The following PLAC1 variants were observed in gnomAD, a reference collection of about 807,000 sequenced individuals.
The protein encoded by PLAC1 is placenta associated 1, also known as placenta-specific protein 1.
For synonymous variants in PLAC1, 68 were observed against 62.1 expected, an observed-to-expected ratio of 1.09 and a Z score of -0.44; for missense variants, 136 against 163.2, an observed-to-expected ratio of 0.83 and a Z score of 0.91.
At chrX:134,624,887 G>T (rs983099105) in intron 1 of PLAC1, among the ~76,000 whole-genome samples, 1 of 104,295 alleles carries the variant, frequency 9.6e-6, no homozygotes, top group African/African-American at 3.5e-5. Flanking sequence ...TAATGAAGCA[G>T]ATAGATAGAT....
At chrX:134,732,712 T>C (rs1193377258) in intron 2 of PLAC1, among the ~76,000 whole-genome samples, 2 of 111,301 alleles carry the variant, frequency 1.8e-5, no homozygotes, top group African/African-American at 6.7e-5. Flanking sequence ...GAATGAAACA[T>C]CAGCCTCCTG....
chrX:134,670,045 T>A (rs1478874586), intron 2 of PLAC1, among the ~76,000 whole-genome samples: 2 of 89,113 alleles, frequency 2.2e-5, no homozygotes, highest in African/African-American at 4.3e-5. Flanking sequence ...AGAAACACAT[T>A]TTTGTCTCTG....
chrX:134,593,645 CT>C (rs752446483), intron 2 of PLAC1, among the ~76,000 whole-genome samples: 19 of 111,699 alleles, frequency 1.7e-4, no homozygotes, highest in African/African-American at 6.2e-4. Context: ...ACACCTAAGT[CT>C]TTTTTGAGCA....
intron 2 of PLAC1, among the ~76,000 whole-genome samples, chrX:134,578,666 CT>C (rs1302147197): frequency 1.9e-5 from 2 of 105,458 alleles, no homozygotes; most frequent in Non-Finnish European, 3.9e-5. Context: ...CGCCTGGCTA[CT>C]TTTTTTTTGA....
intron 2 of PLAC1, among the ~76,000 whole-genome samples, chrX:134,589,285 T>C (rs1434089328): frequency 9.1e-6 from 1 of 110,494 alleles, no homozygotes; most frequent in Non-Finnish European, 1.9e-5. Context: ...ATTTTTAGCT[T>C]GAGTAGCAAA....
At chrX:134,749,701 G>C (rs2078736705) in intron 1 of PLAC1, among the ~76,000 whole-genome samples, 1 of 111,929 alleles carries the variant, frequency 8.9e-6, no homozygotes. Flanking sequence ...AATACTAGCT[G>C]ATCAGTTTCC....
At chrX:134,642,447 G>A (rs1215144169) in intron 1 of PLAC1, among the ~76,000 whole-genome samples, 2 of 111,055 alleles carry the variant, frequency 1.8e-5, no homozygotes, top group Non-Finnish European at 3.8e-5. Context: ...TAGGAGCTTG[G>A]GGGTACAATT....
chrX:134,678,244 C>T (rs2078482172), intron 2 of PLAC1, among the ~76,000 whole-genome samples: 1 of 112,045 alleles, frequency 8.9e-6, no homozygotes. Context: ...GCCCACAACA[C>T]CCTGCGTGCT....
At chrX:134,569,739 AGTGTGTGT>A (rs749953575) in intron 2 of PLAC1, among the ~76,000 whole-genome samples, 2,874 of 72,100 alleles carry the variant, frequency 0.04, 130 homozygotes, top group African/African-American at 0.13. Flanking sequence ...AGGGTAGAGT[AGTGTGTGT>A]GTGTGTGTGT....
intron 1 of PLAC1, among the ~76,000 whole-genome samples, chrX:134,656,686 G>A (rs1220078183): frequency 9.0e-6 from 1 of 111,397 alleles, no homozygotes; most frequent in African/African-American, 3.3e-5. Context: ...CTGGGCTCAA[G>A]TGATCCTCCC....
chrX:134,757,051 T>C (rs1196075692), intron 1 of PLAC1, among the ~76,000 whole-genome samples: 2 of 111,739 alleles, frequency 1.8e-5, no homozygotes, highest in Non-Finnish European at 3.8e-5. Context: ...CTAATAAATG[T>C]GGAAGGAACA....
intron 2 of PLAC1, among the ~76,000 whole-genome samples, chrX:134,693,731 T>C (rs559301686): frequency 3.6e-5 from 4 of 111,510 alleles, no homozygotes; most frequent in African/African-American, 1.3e-4. Context: ...AATTGAAAAT[T>C]ATGTGGGCAA....
At chrX:134,665,417 A>T (rs2078433366) in intron 2 of PLAC1, among the ~76,000 whole-genome samples, 2 of 111,916 alleles carry the variant, frequency 1.8e-5, no homozygotes, top group African/African-American at 6.5e-5. Context: ...GTATGGACCC[A>T]GCACAATGTA....
At chrX:134,597,240 T>A (rs900784328) in intron 2 of PLAC1, among the ~76,000 whole-genome samples, 1 of 111,855 alleles carries the variant, frequency 8.9e-6, no homozygotes, top group Non-Finnish European at 1.9e-5. Context: ...GTTCACCGAT[T>A]TTTTTCCTTT....
intron 2 of PLAC1, among the ~76,000 whole-genome samples, chrX:134,701,353 A>T (rs2078582599): frequency 8.9e-6 from 1 of 111,985 alleles, no homozygotes; most frequent in Non-Finnish European, 1.9e-5. Context: ...AATCTAGGAA[A>T]CATCATTCTG....
chrX:134,726,035 C>T (rs1355318058), intron 2 of PLAC1, among the ~76,000 whole-genome samples: 1 of 111,459 alleles, frequency 9.0e-6, no homozygotes, highest in Non-Finnish European at 1.9e-5. Flanking sequence ...ATTTCATGAT[C>T]TGGCTTTATT....
intron 2 of PLAC1, among the ~76,000 whole-genome samples, chrX:134,669,478 T>G (rs1413316367): frequency 8.9e-6 from 1 of 112,425 alleles, no homozygotes; most frequent in Non-Finnish European, 1.9e-5. Context: ...GTGTGAGCTC[T>G]TATTCTCTAG....
chrX:134,584,445 A>G (rs1381172633), intron 2 of PLAC1, among the ~76,000 whole-genome samples: 1 of 111,926 alleles, frequency 8.9e-6, no homozygotes, highest in East Asian at 2.8e-4. Flanking sequence ...GGTAAGCAAT[A>G]TGACTATCAG....
At chrX:134,584,415 T>C (rs2077989801) in intron 2 of PLAC1, among the ~76,000 whole-genome samples, 1 of 111,727 alleles carries the variant, frequency 9.0e-6, no homozygotes, top group South Asian at 3.8e-4. Context: ...CCAGTCGACT[T>C]CCATTTTCCA....
Sources: gnomAD v4.1 joint callset for allele counts (sites outside exome capture counted in the v4.1 genomes callset) on GRCh38, gnomAD v4.1.1 for gene constraint, MANE v1.5 for transcripts, NCBI Gene and HGNC (gene_info 2026-07-23, HGNC 2026-07-21) for gene names.